ADGRV1: variants seen among roughly 807,000 people sequenced by gnomAD.
ADGRV1 encodes the protein adhesion G protein-coupled receptor V1.
In ADGRV1, 359 loss-of-function variants were observed where a neutral mutation model predicts 596.2. That is an observed-to-expected ratio of 0.60 (90% CI 0.55 to 0.66). The LOEUF (loss-of-function observed/expected upper bound fraction) is 0.66, where lower values mean the gene tolerates loss of function less well. ADGRV1 is among the 30% of genes least tolerant of loss of function. The pLI, the probability that ADGRV1 is intolerant of heterozygous loss-of-function variation, is 0.00. For missense variants in ADGRV1, 7,274 were observed against 7,575.6 expected (o/e 0.96, Z 1.48); for synonymous variants, 2,681 against 2,679.2 (o/e 1.00, Z -0.02).
At chr5:90,925,995 G>A (rs1774400543) in intron 83 of ADGRV1, among the ~76,000 whole-genome samples, 3 of 131,204 alleles carry the variant, frequency 2.3e-5, no homozygotes, top group South Asian at 2.8e-4. Context: ...CTTGATCATG[G>A]TGGATAAGCT....
intron 55 of ADGRV1, among the ~76,000 whole-genome samples, chr5:90,755,652 T>C (rs1755753122): frequency 6.6e-6 from 1 of 151,666 alleles, no homozygotes; most frequent in Non-Finnish European, 1.5e-5. Flanking sequence ...TATTTATCCA[T>C]GTATGTATGG....
At chr5:91,127,657 A>G (rs1793882806) in intron 87 of ADGRV1, among the ~76,000 whole-genome samples, 1 of 152,214 alleles carries the variant, frequency 6.6e-6, no homozygotes, top group African/African-American at 2.4e-5. Flanking sequence ...ATATAATCAT[A>G]CAGTAGACAA....
chr5:90,837,277 T>C (rs1220241106), intron 77 of ADGRV1, among the ~76,000 whole-genome samples: 1 of 152,212 alleles, frequency 6.6e-6, no homozygotes, highest in South Asian at 2.1e-4. Flanking sequence ...GTGTGCTAGC[T>C]GAAAGCACAC....
At chr5:90,598,972 TG>T (rs566644358) in intron 1 of ADGRV1, among the ~76,000 whole-genome samples, 173 of 152,100 alleles carry the variant, frequency 1.1e-3, no homozygotes, top group African/African-American at 3.8e-3. Context: ...AAACACAGTT[TG>T]GGCTGCATTT....
In ADGRV1 at chr5:90,693,923, C is replaced by T. The variant is rs781519528; in HGVS notation, c.7167C>T (p.Tyr2389=). 1 of 1,585,666 alleles carries T rather than the reference C, an allele frequency of 6.3e-7. No homozygotes were observed. Among genetic ancestry groups the T allele is most frequent in the Non-Finnish European group, 8.6e-7 (1 of 1,163,300 alleles). The part of the protein sequence containing the change: ...GGHFGRLLLF[Y]STSDIDVVAL... ...ACTTTGGTCGGCTGTTGTTGTTCTA[C>T]AGTACTTCCGACATTGATGTAGTGG... Residue 2389 remains tyrosine (Y), a synonymous_variant, in exon 33 of 90, where the codon TAC becomes TAT. Coordinates refer to ENST00000405460, the MANE Select transcript of ADGRV1 (RefSeq NM_032119.4).
At chr5:90,767,273 T>C (rs1229658648) in intron 59 of ADGRV1, among the ~76,000 whole-genome samples, 1 of 152,180 alleles carries the variant, frequency 6.6e-6, no homozygotes, top group East Asian at 1.9e-4. Flanking sequence ...GTTTTATAGT[T>C]TTTGCTTTTA....
chr5:90,832,184 C>T (rs1764583374), intron 77 of ADGRV1, among the ~76,000 whole-genome samples: 1 of 152,148 alleles, frequency 6.6e-6, no homozygotes, highest in African/African-American at 2.4e-5. Context: ...CTCCAAACTT[C>T]TCCATAGTGG....
At chr5:90,573,598 A>T (rs1054415375) in intron 1 of ADGRV1, among the ~76,000 whole-genome samples, 5 of 152,188 alleles carry the variant, frequency 3.3e-5, no homozygotes, top group African/African-American at 1.2e-4. Flanking sequence ...ATGGACCACC[A>T]TCATATACCT....
intron 85 of ADGRV1, among the ~76,000 whole-genome samples, chr5:91,006,057 C>T (rs894393866): frequency 1.3e-5 from 2 of 152,154 alleles, no homozygotes; most frequent in Non-Finnish European, 2.9e-5. Context: ...ATTTTTCAAA[C>T]TAGAATACTT....
intron 82 of ADGRV1, among the ~76,000 whole-genome samples, chr5:90,858,476 C>CTT (rs1204961070): frequency 1.3e-5 from 2 of 148,738 alleles, no homozygotes; most frequent in African/African-American, 2.5e-5. Flanking sequence ...GTCTTGTAAT[C>CTT]TTTTTTTTTT....
In ADGRV1 at chr5:90,705,393, T is replaced by C; in HGVS notation, c.8387-7T>C. The C allele has an allele frequency of 6.2e-7, 1 of 1,612,510 alleles. No individual in the cohort carries two copies. Among genetic ancestry groups the C allele is most frequent in the Non-Finnish European group, 8.5e-7 (1 of 1,179,228 alleles). Reference sequence around the variant, plus strand: ...ATCACTGTTAGATTCCTGCCTGACATTTTTAGGAGTTCCACCAGCCGGAAT... The same window carrying C: ...ATCACTGTTAGATTCCTGCCTGACACTTTTAGGAGTTCCACCAGCCGGAAT... On this transcript the variant is annotated splice_region_variant and splice_polypyrimidine_tract_variant and intron_variant, in intron 36 of 89. Coordinates refer to ENST00000405460, the MANE Select transcript of ADGRV1 (RefSeq NM_032119.4).
At chr5:90,837,377 CT>C (rs71622477) in intron 77 of ADGRV1, among the ~76,000 whole-genome samples, 29 of 135,710 alleles carry the variant, frequency 2.1e-4, no homozygotes, top group South Asian at 2.3e-4. Context: ...TTTTTTTTTT[CT>C]TTTTTTTTTT....
intron 11 of ADGRV1, among the ~76,000 whole-genome samples, chr5:90,639,156 A>T (rs1168006783): frequency 6.6e-6 from 1 of 152,008 alleles, no homozygotes; most frequent in Non-Finnish European, 1.5e-5. Context: ...TATGTTTCAG[A>T]CTCGATCTTA....
chr5:90,611,977 A>C (rs1762780179), intron 1 of ADGRV1, among the ~76,000 whole-genome samples: 1 of 152,034 alleles, frequency 6.6e-6, no homozygotes. Flanking sequence ...CTTTGCCCGA[A>C]CAACTTTTCA....
At chr5:90,677,882 G>C (rs1289585264) in intron 25 of ADGRV1, among the ~76,000 whole-genome samples, 1 of 152,174 alleles carries the variant, frequency 6.6e-6, no homozygotes, top group African/African-American at 2.4e-5. Flanking sequence ...TGTCTAACAT[G>C]TCAAGTAGCT....
At chr5:90,831,348 A>T (rs2150330994) in intron 77 of ADGRV1, among the ~76,000 whole-genome samples, 1 of 152,042 alleles carries the variant, frequency 6.6e-6, no homozygotes, top group Non-Finnish European at 1.5e-5. Context: ...CCTGACCAAT[A>T]AACATCCTAC....
chr5:90,981,986 G>A (rs569105641), intron 84 of ADGRV1, among the ~76,000 whole-genome samples: 1 of 152,096 alleles, frequency 6.6e-6, no homozygotes, highest in Non-Finnish European at 1.5e-5. Context: ...TACTTGAGAG[G>A]CTGAGGTGTC....
intron 67 of ADGRV1, 92 bp from the exon 68 acceptor site, chr5:90,787,979 A>G (rs1759654336): frequency 8.8e-6 from 7 of 792,646 alleles, no homozygotes; most frequent in South Asian, 3.1e-5. Flanking sequence ...CTATATGTGT[A>G]TATATTTTCT....
At chr5:91,045,582 A>G (rs1785731540) in intron 85 of ADGRV1, among the ~76,000 whole-genome samples, 1 of 152,160 alleles carries the variant, frequency 6.6e-6, no homozygotes, top group African/African-American at 2.4e-5. Flanking sequence ...AGCCAACATA[A>G]CACTGAATGG....
Sources: gnomAD v4.1 joint callset for allele counts (sites outside exome capture counted in the v4.1 genomes callset) on GRCh38, gnomAD v4.1.1 for gene constraint, MANE v1.5 for transcripts, NCBI Gene and HGNC (gene_info 2026-07-23, HGNC 2026-07-21) for gene names.